Variants in KIF26B observed in about 807,000 individuals in gnomAD.
KIF26B encodes kinesin-like protein KIF26B.
Under a neutral mutation model 151.2 loss-of-function variants are expected in KIF26B, and 63 were observed. The observed-to-expected ratio is 0.42, with a 90% CI of 0.34 to 0.51. The LOEUF is 0.51. Among genes scored for constraint, KIF26B ranks in the 20% least tolerant of loss-of-function variants. KIF26B has a pLI of 0.07. For missense variants in KIF26B, 2,813 were observed against 2,913.6 expected (o/e 0.97, Z 0.79); for synonymous variants, 1,357 against 1,262.1 (o/e 1.08, Z -1.59).
chr1:245,192,301 C>T (rs909356270), intron 2 of KIF26B, among the ~76,000 whole-genome samples: 1 of 151,350 alleles, frequency 6.6e-6, no homozygotes, highest in Non-Finnish European at 1.5e-5. Context: ...AGGATATAAC[C>T]TCAAATGTAA....
intron 9 of KIF26B, among the ~76,000 whole-genome samples, chr1:245,624,969 T>G (rs994246413): frequency 1.7e-4 from 26 of 152,162 alleles, no homozygotes; most frequent in Non-Finnish European, 3.2e-4. Flanking sequence ...AGGTGTTTTT[T>G]TGTGTGTGTG....
intron 4 of KIF26B, among the ~76,000 whole-genome samples, chr1:245,539,955 G>C (rs557963879): frequency 6.6e-6 from 1 of 152,186 alleles, no homozygotes; most frequent in South Asian, 2.1e-4. Flanking sequence ...GCCTGGCCAA[G>C]ATTATCATGT....
rs1553299290 is a variant in KIF26B at position 245,640,122 on chromosome 1, G to GCGCTCTCTCTCTCTCTCTCTCT, written c.2099-5998_2099-5997insGCTCTCTCTCTCTCTCTCTCTC. On this transcript the variant is annotated intron_variant, in intron 9 of 14. Coordinates refer to ENST00000407071, the MANE Select transcript of KIF26B (RefSeq NM_018012.4). ...CTCCTGTTTAGATCTACTAATATTT[G>GCGCTCTCTCTCTCTCTCTCTCT]CTCTCTCTCTCTCTCTCTCTCTATA... 1.7e-4 allele frequency among the ~76,000 whole-genome samples: 9 copies of GCGCTCTCTCTCTCTCTCTCTCT among 53,984 alleles called. No homozygotes were observed. The East Asian group carries it at 7.0e-3, about 42-fold the overall frequency. 35.4% of individuals were successfully genotyped at this position (53,984 alleles called of 152,430 possible).
chr1:245,605,182 C>T (rs2043437318), intron 6 of KIF26B, among the ~76,000 whole-genome samples: 1 of 152,220 alleles, frequency 6.6e-6, no homozygotes, highest in South Asian at 2.1e-4. Flanking sequence ...CGTGTGATTC[C>T]TCGAGTTGAC....
chr1:245,407,059 A>T (rs929185759), intron 3 of KIF26B, among the ~76,000 whole-genome samples: 6 of 152,128 alleles, frequency 3.9e-5, no homozygotes, highest in Admixed American at 3.9e-4. Flanking sequence ...AAGTGCTGGG[A>T]TGACAGGTGT....
Position 245,698,977 on chromosome 1 carries a change from A to G in KIF26B, c.6118A>G (p.Lys2040Glu). The G allele has an allele frequency of 6.2e-7, 1 of 1,614,002 alleles. No individual in the cohort carries two copies. Among genetic ancestry groups the G allele is most frequent in the South Asian group, 1.1e-5 (1 of 91,082 alleles). The change falls in exon 14 of 15, where the codon AAG becomes GAG. Residue 2040 changes from lysine to glutamate, a missense_variant. Lys to Glu is a moderately conservative substitution (Grantham distance 56, BLOSUM62 1). Around this residue, in one of 3 missense-constraint regions of KIF26B, gnomAD observed 2,060 missense variants for 2,088.6 expected, o/e 0.99. Transcript: ENST00000407071. This position sits in a 1 kb window ranked among gnomAD's most constrained non-coding sequence, Gnocchi z 4.0. ...CCGCGCGAAGTACGAGTGGCTGATGAAGGAGCTGGAGGCGACCAAACAGTA... is the reference window on the plus strand; with the variant it reads ...CCGCGCGAAGTACGAGTGGCTGATGGAGGAGCTGGAGGCGACCAAACAGTA... Reference protein sequence around the residue: ...EVRAKYEWLMKELEATKQYLM... With the variant: ...EVRAKYEWLMEELEATKQYLM...
intron 2 of KIF26B, among the ~76,000 whole-genome samples, chr1:245,364,422 C>CTTTTTTTT (rs763619030): frequency 1.0e-5 from 1 of 98,920 alleles, no homozygotes; most frequent in Non-Finnish European, 1.9e-5. Context: ...CTCTCTCTCT[C>CTTTTTTTT]TTTTTTTTTT....
At chr1:245,503,847 G>A (rs1660674227) in intron 4 of KIF26B, among the ~76,000 whole-genome samples, 1 of 152,194 alleles carries the variant, frequency 6.6e-6, no homozygotes, top group Non-Finnish European at 1.5e-5. Context: ...CAACCCATCT[G>A]TGCTATGGGA....
intron 3 of KIF26B, among the ~76,000 whole-genome samples, chr1:245,369,018 G>C (rs1673031103): frequency 6.6e-6 from 1 of 152,066 alleles, no homozygotes. Context: ...TGCGCCTGTA[G>C]TGTCAGCTAC....
At chr1:245,284,351 G>T (rs913651707) in intron 2 of KIF26B, among the ~76,000 whole-genome samples, 1 of 149,864 alleles carries the variant, frequency 6.7e-6, no homozygotes, top group African/African-American at 2.5e-5. Context: ...TTCCAGAAAG[G>T]ACTGGGGTTT....
rs1362317958 is a variant in KIF26B at position 245,366,916 on chromosome 1, G to T, written c.548G>T (p.Arg183Leu). 1.2e-6 allele frequency: 2 copies of T among 1,614,006 alleles called. No homozygotes were observed. Among genetic ancestry groups the T allele is most frequent in the Non-Finnish European group, 1.7e-6 (2 of 1,179,888 alleles). The change falls in exon 3 of 15, where the codon CGC becomes CTC. Residue 183 changes from arginine to leucine, a missense_variant. Physicochemically the swap from Arg to Leu is moderately radical, Grantham distance 102 (BLOSUM62 -2). Transcript: ENST00000407071. ...IRKAWNDRDN[R>L]CDICATHLNQ... Reference sequence around the variant, plus strand: ...AAGGCATGGAACGACCGGGACAACCGCTGTGACATTTGCGCCACTCACCTG... The same window carrying T: ...AAGGCATGGAACGACCGGGACAACCTCTGTGACATTTGCGCCACTCACCTG...
intron 4 of KIF26B, among the ~76,000 whole-genome samples, chr1:245,537,968 G>C (rs192858676): frequency 2.0e-4 from 30 of 152,304 alleles, no homozygotes; most frequent in Admixed American, 1.8e-3. Context: ...GCAGTAAAGA[G>C]GACAAGGACT....
At chr1:245,156,161 G>A in intron 1 of KIF26B, 121 bp from the exon 2 acceptor site, 1 of 1,414,208 alleles carries the variant, frequency 7.1e-7, no homozygotes, top group Admixed American at 2.6e-5. Flanking sequence ...GCTTGGAGAG[G>A]TCCCCAACCG....
intron 4 of KIF26B, among the ~76,000 whole-genome samples, chr1:245,454,591 T>C (rs1659471222): frequency 6.6e-6 from 1 of 152,172 alleles, no homozygotes; most frequent in Non-Finnish European, 1.5e-5. Flanking sequence ...ATACCTTCCA[T>C]TGGGAGCCTT....
At chr1:245,628,712 A>G (rs2043749924) in intron 9 of KIF26B, among the ~76,000 whole-genome samples, 1 of 152,228 alleles carries the variant, frequency 6.6e-6, no homozygotes. Context: ...GCCCTCTCTC[A>G]GCACTCCTAT....
At chr1:245,559,738 G>A (rs1329259810) in intron 5 of KIF26B, among the ~76,000 whole-genome samples, 1 of 151,848 alleles carries the variant, frequency 6.6e-6, no homozygotes, top group Admixed American at 6.6e-5. Flanking sequence ...GAGATGGGGG[G>A]TCTTACTATG....
chr1:245,567,190 G>A (rs1220804079), intron 5 of KIF26B, among the ~76,000 whole-genome samples: 1 of 152,162 alleles, frequency 6.6e-6, no homozygotes, highest in East Asian at 1.9e-4. Flanking sequence ...ACCCACAAAA[G>A]CCAGCAATTA....
chr1:245,363,095 A>G (rs988246963), intron 2 of KIF26B, among the ~76,000 whole-genome samples: 7 of 152,202 alleles, frequency 4.6e-5, no homozygotes, highest in Non-Finnish European at 5.9e-5. Flanking sequence ...TCCAGAGGAC[A>G]TGGCCCTAGT....
intron 2 of KIF26B, among the ~76,000 whole-genome samples, chr1:245,171,805 G>T (rs997386974): frequency 2.0e-5 from 3 of 152,118 alleles, no homozygotes; most frequent in Non-Finnish European, 2.9e-5. Context: ...TTGCTCTGCC[G>T]CATACCAGCT....
Sources: allele counts gnomAD v4.1 joint callset (sites outside exome capture counted in the v4.1 genomes callset), GRCh38; gene constraint gnomAD v4.1.1; regional missense constraint gnomAD v4.1.1; non-coding constraint Gnocchi (gnomAD v3.1); transcripts MANE v1.5; gene names NCBI Gene and HGNC (gene_info 2026-07-23, HGNC 2026-07-21).